Variants in PTPRO observed in about 807,000 individuals in gnomAD.
PTPRO encodes the protein receptor-type tyrosine-protein phosphatase O.
A neutral mutation model predicts 145.2 loss-of-function variants in PTPRO; 62 were observed. That is an observed-to-expected ratio of 0.43 (90% CI 0.35 to 0.53). PTPRO has a LOEUF of 0.53. Among genes scored for constraint, PTPRO ranks in the 20% least tolerant of loss-of-function variants. PTPRO has a pLI of 0.01. For synonymous variants in PTPRO, 565 were observed against 514.7 expected, an observed-to-expected ratio of 1.10 and a Z score of -1.32; for missense variants, 1,345 against 1,482.7, an observed-to-expected ratio of 0.91 and a Z score of 1.53.
intron 1 of PTPRO, among the ~76,000 whole-genome samples, chr12:15,405,130 T>C (rs993268157): frequency 6.6e-6 from 1 of 152,158 alleles, no homozygotes; most frequent in Admixed American, 6.5e-5. Flanking sequence ...CTTCAACATA[T>C]GAATTTGGGG....
intron 1 of PTPRO, among the ~76,000 whole-genome samples, chr12:15,375,298 A>G (rs1487704957): frequency 6.6e-6 from 1 of 152,210 alleles, no homozygotes; most frequent in Non-Finnish European, 1.5e-5. Flanking sequence ...GGGGAAAAGA[A>G]ATTGTCAATA....
At chr12:15,372,427 A>G (rs1938558576) in intron 1 of PTPRO, among the ~76,000 whole-genome samples, 2 of 152,078 alleles carry the variant, frequency 1.3e-5, no homozygotes, top group Non-Finnish European at 2.9e-5. Flanking sequence ...TAATTAGGAG[A>G]CTCACTTATT....
In PTPRO at chr12:15,580,839, C is replaced by T; in HGVS notation, c.3132+8C>T. ...TGTAATGAGAAAAGGAGGGTACGTA[C>T]TTACTGAAACTGCTCCCACTTAGCA... is the stretch of plus-strand genomic sequence containing the variant. On this transcript the variant is annotated splice_region_variant and intron_variant, in intron 22 of 26. Transcript: ENST00000281171. 1 of 1,613,808 alleles carries T rather than the reference C, an allele frequency of 6.2e-7. No homozygotes were observed. The highest frequency in any genetic ancestry group is 2.2e-5 in the East Asian group (1 of 44,858).
chr12:15,351,513 A>T (rs1014291492), intron 1 of PTPRO, among the ~76,000 whole-genome samples: 5 of 152,182 alleles, frequency 3.3e-5, no homozygotes, highest in Non-Finnish European at 1.5e-5. Context: ...TGGAACAGGG[A>T]AACAGACTCT....
At chr12:15,498,308 A>T (rs1304243585) in intron 3 of PTPRO, among the ~76,000 whole-genome samples, 2 of 152,188 alleles carry the variant, frequency 1.3e-5, no homozygotes, top group Non-Finnish European at 2.9e-5. Context: ...TAATCCCAGC[A>T]CTTTGGGAGG....
At chr12:15,382,023 TA>T in intron 1 of PTPRO, among the ~76,000 whole-genome samples, 1 of 151,930 alleles carries the variant, frequency 6.6e-6, no homozygotes, top group Non-Finnish European at 1.5e-5. Context: ...ATTATTTTTA[TA>T]ATCTTCATTC....
intron 15 of PTPRO, among the ~76,000 whole-genome samples, chr12:15,552,753 C>A (rs2135564524): frequency 6.7e-6 from 1 of 148,606 alleles, no homozygotes; most frequent in African/African-American, 2.5e-5. Flanking sequence ...TGCACTGTAA[C>A]TACAGTGGAG....
rs776601178 is a variant in PTPRO, at chr12:15,322,677, G to A, written c.-50G>A. 9.2e-6 allele frequency: 14 copies of A among 1,524,084 alleles called. No homozygotes were observed. In the East Asian group the frequency reaches 2.1e-4, roughly 23 times the overall value. The allele number at this position is 1,524,084 out of a possible 1,614,324, so 94.4% of individuals were successfully genotyped here. On this transcript the variant is annotated 5_prime_UTR_variant, in exon 1 of 27. Transcript: ENST00000281171. This position sits in a 1 kb window ranked among gnomAD's most constrained non-coding sequence, Gnocchi z 6.3. ...CAGTTCGCCATTGTGAGCCGCCGCC[G>A]GGGGAGTCCGCTAGCGCAGCCGTGC...
At chr12:15,354,465 T>C (rs1256436172) in intron 1 of PTPRO, among the ~76,000 whole-genome samples, 1 of 152,198 alleles carries the variant, frequency 6.6e-6, no homozygotes, top group African/African-American at 2.4e-5. Flanking sequence ...AGTAAGAGTT[T>C]ATTTTGGTGC....
chr12:15,577,581 G>A (rs1944213989), intron 19 of PTPRO, among the ~76,000 whole-genome samples: 1 of 152,120 alleles, frequency 6.6e-6, no homozygotes, highest in South Asian at 2.1e-4. Flanking sequence ...AGTAATAATT[G>A]GGAGGAATTA....
chr12:15,533,509 C>T (rs1943003863), intron 12 of PTPRO, among the ~76,000 whole-genome samples: 1 of 152,140 alleles, frequency 6.6e-6, no homozygotes, highest in Non-Finnish European at 1.5e-5. Context: ...AACTGCTTAA[C>T]AGATACTGTT....
At chr12:15,511,268 C>G (rs1942434954) in intron 7 of PTPRO, among the ~76,000 whole-genome samples, 1 of 152,202 alleles carries the variant, frequency 6.6e-6, no homozygotes, top group Non-Finnish European at 1.5e-5. Flanking sequence ...ATGCAGAATG[C>G]AGAGGCATTC....
Position 15,475,869 on chromosome 12 carries a change from A to G in PTPRO, c.76-8105A>G, listed in dbSNP as rs12230662. On this transcript the variant is annotated intron_variant, in intron 1 of 26. Coordinates refer to ENST00000281171, the MANE Select transcript of PTPRO (RefSeq NM_030667.3). ...TTGTATCGACTAGATGAGAATATCA[A>G]TTAGTAACTTCTATCATGGGTATGA... 5.2e-3 allele frequency among the ~76,000 whole-genome samples: 798 copies of G among 152,336 alleles called. 56 individuals are homozygous for G. In the East Asian group the frequency reaches 0.14, roughly 26 times the overall value.
At chr12:15,487,785 T>C (rs1941920488) in intron 2 of PTPRO, among the ~76,000 whole-genome samples, 1 of 152,208 alleles carries the variant, frequency 6.6e-6, no homozygotes, top group Non-Finnish European at 1.5e-5. Context: ...TTGTCCAACA[T>C]AGTAGTCACT....
intron 1 of PTPRO, among the ~76,000 whole-genome samples, chr12:15,407,149 G>T (rs1250507423): frequency 2.0e-5 from 3 of 152,126 alleles, no homozygotes; most frequent in Non-Finnish European, 2.9e-5. Context: ...ACCCCTCGTT[G>T]TTTACCTGAA....
At chr12:15,485,629 G>A (rs1339415466) in intron 2 of PTPRO, among the ~76,000 whole-genome samples, 4 of 152,216 alleles carry the variant, frequency 2.6e-5, no homozygotes, top group East Asian at 1.9e-4. Context: ...CTGTAATGAC[G>A]GTCGCTGATC....
chr12:15,591,546 A>G (rs1021829399), intron 25 of PTPRO, among the ~76,000 whole-genome samples: 3 of 152,184 alleles, frequency 2.0e-5, no homozygotes, highest in Non-Finnish European at 4.4e-5. Flanking sequence ...TGCAAAGCCA[A>G]GAAAACGTTT....
At chr12:15,444,342 G>A (rs1000406266) in intron 1 of PTPRO, among the ~76,000 whole-genome samples, 6 of 152,024 alleles carry the variant, frequency 3.9e-5, no homozygotes, top group Non-Finnish European at 7.4e-5. Context: ...CAAGGGGAGA[G>A]GGAGAGGGTG....
chr12:15,558,377 T>C (rs1179729637), intron 16 of PTPRO, among the ~76,000 whole-genome samples: 2 of 152,232 alleles, frequency 1.3e-5, no homozygotes, highest in Admixed American at 6.5e-5. Flanking sequence ...TAAGAAAACA[T>C]GGCTTCATTT....
Sources: allele counts gnomAD v4.1 joint callset (sites outside exome capture counted in the v4.1 genomes callset), GRCh38; gene constraint gnomAD v4.1.1; non-coding constraint Gnocchi (gnomAD v3.1); transcripts MANE v1.5; gene names NCBI Gene and HGNC (gene_info 2026-07-23, HGNC 2026-07-21).